The following RUBCNL variants were observed in gnomAD, a reference collection of about 807,000 sequenced individuals.
RUBCNL encodes protein associated with UVRAG as autophagy enhancer.
RUBCNL carries 62 observed loss-of-function variants against 69.5 expected under a neutral mutation model. The ratio of observed to expected loss-of-function variants is 0.89; its 90% CI spans 0.73 to 1.10. The LOEUF is 1.10. Ranked by LOEUF, RUBCNL falls within the 50% of genes least tolerant of loss-of-function variation. The pLI, the probability that RUBCNL is intolerant of heterozygous loss-of-function variation, is 0.00. For synonymous variants in RUBCNL, 291 were observed against 303.6 expected (o/e 0.96, Z 0.43); for missense variants, 768 against 798.1 (o/e 0.96, Z 0.45).
intron 1 of RUBCNL, among the ~76,000 whole-genome samples, chr13:46,380,051 A>T (rs755665269): frequency 2.2e-4 from 34 of 152,240 alleles, no homozygotes; most frequent in Non-Finnish European, 1.0e-4. Context: ...AGCAGAAAGG[A>T]AACAGTGCTA....
chr13:46,339,819 A>T lies in RUBCNL; in HGVS notation c.*3566T>A, dbSNP rs1171189064. On this transcript the variant is annotated 3_prime_UTR_variant, in exon 15 of 15. Coordinates refer to ENST00000429979, the MANE Select transcript of RUBCNL (RefSeq NM_025113.5). The stretch of plus-strand genomic sequence containing the variant: ...GGTTGAAGTGAGCTGAGATCGCACC[A>T]CTGCACTATAGCCTGGGTGACAGAG... Among the ~76,000 whole-genome samples, 20 of 152,176 alleles carry T rather than the reference A, an allele frequency of 1.3e-4. No individual in the cohort carries two copies. The highest frequency in any genetic ancestry group is 5.9e-5 in the Non-Finnish European group (4 of 68,030).
In RUBCNL at chr13:46,349,644, G is replaced by A. The variant is rs373728741; in HGVS notation, c.1570-297C>T. On this transcript the variant is annotated intron_variant, in intron 11 of 14. Transcript: ENST00000429979. Reference sequence around the variant, plus strand: ...GTGTGGGGCCTTGGAAAGAGCCTGTGCAGGAGAGGGGCTCCAAAGTGTAAG... The same window carrying A: ...GTGTGGGGCCTTGGAAAGAGCCTGTACAGGAGAGGGGCTCCAAAGTGTAAG... Among the ~76,000 whole-genome samples the A allele has an allele frequency of 4.6e-5, 7 of 151,730 alleles. No homozygotes were observed. The East Asian group carries it at 1.4e-3, about 29-fold the overall frequency.
At chr13:46,344,313 C>T (rs976266564) in intron 14 of RUBCNL, among the ~76,000 whole-genome samples, 3 of 152,166 alleles carry the variant, frequency 2.0e-5, no homozygotes, top group African/African-American at 4.8e-5. Flanking sequence ...GGTCGGCAAC[C>T]TTTTCTGTAA....
In RUBCNL at chr13:46,351,618, C is replaced by CA. The variant is rs532425552; in HGVS notation, c.1331-1268dup. 1.8e-4 allele frequency among the ~76,000 whole-genome samples: 28 copies of CA among 152,236 alleles called. 1 individual carries two copies. In the South Asian group the frequency reaches 4.8e-3, roughly 26 times the overall value. The stretch of plus-strand genomic sequence containing the variant: ...GGTTAAATAAGTATGGTGCACTCAA[C>CA]ATGAAATGCTGTACAGCCCATAAAG... On this transcript the variant is annotated intron_variant, in intron 10 of 14. Coordinates refer to ENST00000429979, the MANE Select transcript of RUBCNL (RefSeq NM_025113.5).
Position 46,372,415 on chromosome 13 carries a change from C to G in RUBCNL, c.61G>C (p.Asp21His), listed in dbSNP as rs148509794. ...SPVEPWEGISDHSGIIDGSPR... is the reference protein window; with the variant it reads ...SPVEPWEGISHHSGIIDGSPR... ...GAACCATCAATAATGCCAGAGTGAT[C>G]GCTGATCCCTTCCCAGGGCTCCACA... is the stretch of plus-strand genomic sequence containing the variant. The change falls in exon 3 of 15, where the codon GAT becomes CAT. Residue 21 changes from aspartate to histidine, a missense_variant. Coordinates refer to ENST00000429979, the MANE Select transcript of RUBCNL (RefSeq NM_025113.5). 3 of 1,612,896 alleles carry G rather than the reference C, an allele frequency of 1.9e-6. No individual in the cohort carries two copies. Among genetic ancestry groups the G allele is most frequent in the East Asian group, 4.5e-5 (2 of 44,876 alleles).
At chr13:46,356,625 G>T in intron 9 of RUBCNL, 129 bp from the exon 10 acceptor site, 1 of 715,598 alleles carries the variant, frequency 1.4e-6, no homozygotes, top group South Asian at 1.9e-5. Flanking sequence ...CTTTTCATTT[G>T]GGAAAGAAAT....
chr13:46,385,175 G>T, intron 1 of RUBCNL: 1 of 539,630 alleles, frequency 1.9e-6, no homozygotes, highest in Non-Finnish European at 2.4e-6. Context: ...AATGTCCTAT[G>T]AAGGTTAGCT....
chr13:46,360,113 G>A (rs2048578333), intron 8 of RUBCNL, among the ~76,000 whole-genome samples: 1 of 152,156 alleles, frequency 6.6e-6, no homozygotes, highest in Admixed American at 6.5e-5. Context: ...TCTCAGCTGG[G>A]TGCAGTGGCT....
In RUBCNL at chr13:46,372,227, A is replaced by G. The variant is rs914445270; in HGVS notation, c.249T>C (p.Asp83=). The G allele has an allele frequency of 1.9e-6, 3 of 1,614,052 alleles. No homozygotes were observed. Among genetic ancestry groups the G allele is most frequent in the Middle Eastern group, 1.6e-4 (1 of 6,062 alleles). ...GTGAAGGGCCTGAGGGAGAGGCAGCATCTGTCACAAAATGGGTCCCACTGT... is the reference window on the plus strand; with the variant it reads ...GTGAAGGGCCTGAGGGAGAGGCAGCGTCTGTCACAAAATGGGTCCCACTGT... ...AGNSGTHFVT[D]AASPSGPSPS... Residue 83 remains aspartate, a synonymous_variant, in exon 3 of 15, where the codon GAT becomes GAC. Transcript: ENST00000429979.
rs2048561465 is a variant in RUBCNL, at chr13:46,359,429, G to A, written c.1265+57C>T. ...CACCTACTGCCATAGAGTCAGGTGG[G>A]ATCTGTCACAATGTGATTTAAATGG... On this transcript the variant is annotated intron_variant, in intron 9 of 14. Transcript: ENST00000429979. 4 of 1,472,536 alleles carry A rather than the reference G, an allele frequency of 2.7e-6. No individual in the cohort carries two copies. In the Admixed American group the frequency reaches 7.9e-5, roughly 29 times the overall value. The allele number at this position is 1,472,536 out of a possible 1,614,324, so 91.2% of individuals were successfully genotyped here.
chr13:46,373,153 T>C (rs2138809359), intron 2 of RUBCNL, among the ~76,000 whole-genome samples: 1 of 152,252 alleles, frequency 6.6e-6, no homozygotes, highest in African/African-American at 2.4e-5. Context: ...TCTGTATTTT[T>C]AGTAGGGACG....
intron 14 of RUBCNL, 51 bp downstream of exon 14, chr13:46,344,690 G>C: frequency 8.2e-7 from 1 of 1,223,828 alleles, no homozygotes; most frequent in Non-Finnish European, 1.2e-6. Context: ...ACTAAACTTA[G>C]TTTAATTAGT....
intron 3 of RUBCNL, among the ~76,000 whole-genome samples, chr13:46,370,582 G>C (rs2048856152): frequency 6.6e-6 from 1 of 152,168 alleles, no homozygotes; most frequent in African/African-American, 2.4e-5. Context: ...GTTTCTAAAG[G>C]CACTGACAGG....
Position 46,337,114 on chromosome 13 carries a change from TTC to T in RUBCNL, c.*6269_*6270del, listed in dbSNP as rs753681419. 2.7e-4 allele frequency among the ~76,000 whole-genome samples: 40 copies of T among 148,760 alleles called. No homozygotes were observed. Among genetic ancestry groups the T allele is most frequent in the African/African-American group, 6.4e-4 (26 of 40,412 alleles). ...CCCTTGTAAAACAGACCCCAGGGGG[TTC>T]TCTCTCTCTCTCTTTTCCTTTTTCT... On this transcript the variant is annotated 3_prime_UTR_variant, in exon 15 of 15. Coordinates refer to ENST00000429979, the MANE Select transcript of RUBCNL (RefSeq NM_025113.5).
chr13:46,349,098 G>A (rs2048312899), intron 12 of RUBCNL, among the ~76,000 whole-genome samples, 188 bp downstream of exon 12: 1 of 152,146 alleles, frequency 6.6e-6, no homozygotes, highest in African/African-American at 2.4e-5. Flanking sequence ...TTAGCTACTT[G>A]AGAACAGACT....
At chr13:46,389,858 T>C (rs113006467), upstream of RUBCNL, 278 of 152,358 alleles carry the variant, frequency 1.8e-3, 2 homozygotes, top group African/African-American at 6.2e-3. The surrounding 1 kb of genome is among the most constrained non-coding windows in gnomAD (Gnocchi z 4.2). Flanking sequence ...GCGTGGACTT[T>C]CCAAGAATTT....
intron 1 of RUBCNL, among the ~76,000 whole-genome samples, chr13:46,381,645 C>T (rs960582032): frequency 2.0e-5 from 3 of 152,096 alleles, no homozygotes; most frequent in African/African-American, 4.8e-5. Flanking sequence ...CGTAATGGTG[C>T]GATCTCGGCT....
At chr13:46,388,377 G>C (rs1021080924), upstream of RUBCNL, among the ~76,000 whole-genome samples, 2 of 122,040 alleles carry the variant, frequency 1.6e-5, no homozygotes, top group Non-Finnish European at 4.0e-5. Context: ...AAGGAAGGAA[G>C]GAAGGGCGAA....
chr13:46,383,966 T>G (rs941078615), intron 1 of RUBCNL, among the ~76,000 whole-genome samples: 4 of 152,222 alleles, frequency 2.6e-5, no homozygotes, highest in African/African-American at 7.2e-5. Context: ...CTTTAAATCT[T>G]GTGGACTCAA....
Sources: gnomAD v4.1 joint callset for allele counts (sites outside exome capture counted in the v4.1 genomes callset) on GRCh38, gnomAD v4.1.1 for gene constraint, Gnocchi (gnomAD v3.1) non-coding constraint, MANE v1.5 for transcripts, NCBI Gene and HGNC (gene_info 2026-07-23, HGNC 2026-07-21) for gene names.